Variants in KCTD10 observed in about 807,000 individuals in gnomAD.
KCTD10 encodes potassium channel tetramerization domain containing 10.
A neutral mutation model predicts 34.6 loss-of-function variants in KCTD10; 13 were observed. The ratio of observed to expected loss-of-function variants is 0.38; its 90% CI spans 0.24 to 0.60. The LOEUF is 0.60. Ranked by LOEUF, KCTD10 falls within the 20% of genes least tolerant of loss-of-function variation. The pLI, the probability that KCTD10 is intolerant of heterozygous loss-of-function variation, is 0.66. For synonymous variants in KCTD10, 156 were observed against 168.8 expected, an observed-to-expected ratio of 0.92 and a Z score of 0.59; for missense variants, 256 against 420.3, an observed-to-expected ratio of 0.61 and a Z score of 3.42.
At position 109,451,813 on chromosome 12, in the gene KCTD10, C is replaced by G; in HGVS notation, c.724G>C (p.Val242Leu). ...TAAATCCGGGCTTCGGGAAACTCCA[C>G]CTGTGTTCCCACAGTATACAGGGCA... Reference protein sequence around the residue: ...VYATEKKQTKVEFPEARIYEE... With the variant: ...VYATEKKQTKLEFPEARIYEE... The change falls in exon 7 of 7, where the codon GTG becomes CTG. Residue 242 changes from valine to leucine, a missense_variant and splice_region_variant. By Grantham distance (32) the Val-to-Leu change is conservative. This residue lies in a region of KCTD10 where 41 missense variants were observed against 124.2 expected (regional missense o/e 0.33). Coordinates refer to ENST00000228495, the MANE Select transcript of KCTD10 (RefSeq NM_031954.5). The surrounding 1 kb of genome is among the most constrained non-coding windows in gnomAD (Gnocchi z 5.0). 1 of 1,612,662 alleles carries G rather than the reference C, an allele frequency of 6.2e-7. No individual in the cohort carries two copies. Among genetic ancestry groups the G allele is most frequent in the Non-Finnish European group, 8.5e-7 (1 of 1,179,272 alleles).
chr12:109,461,285 G>C (rs1365872564), intron 2 of KCTD10, among the ~76,000 whole-genome samples: 1 of 152,120 alleles, frequency 6.6e-6, no homozygotes, highest in Non-Finnish European at 1.5e-5. Context: ...TCTCACCCTC[G>C]CAGACTGTGA....
intron 1 of KCTD10, among the ~76,000 whole-genome samples, chr12:109,475,565 G>A (rs1049373909): frequency 1.3e-5 from 2 of 152,236 alleles, no homozygotes; most frequent in Admixed American, 1.3e-4. Context: ...GATGCGGAGG[G>A]GTGGCTGATC....
At chr12:109,473,109 A>G (rs1289640616) in intron 1 of KCTD10, among the ~76,000 whole-genome samples, 1 of 152,220 alleles carries the variant, frequency 6.6e-6, no homozygotes, top group African/African-American at 2.4e-5. Flanking sequence ...CAGCCCCATC[A>G]GGGTCAGTCA....
chr12:109,461,881 C>T (rs1873347052), intron 2 of KCTD10, among the ~76,000 whole-genome samples: 3 of 152,202 alleles, frequency 2.0e-5, no homozygotes, highest in South Asian at 2.1e-4. Context: ...TGCGCAGGGC[C>T]GTGAGAAGGC....
At chr12:109,461,167 T>C (rs115298427) in intron 2 of KCTD10, among the ~76,000 whole-genome samples, 1 of 152,224 alleles carries the variant, frequency 6.6e-6, no homozygotes, top group African/African-American at 2.4e-5. Flanking sequence ...AATGGCCACA[T>C]ACCAAGGATA....
At chr12:109,472,666 G>C (rs1425160433) in intron 1 of KCTD10, among the ~76,000 whole-genome samples, 4 of 152,182 alleles carry the variant, frequency 2.6e-5, no homozygotes. Flanking sequence ...CAGCAAAGTA[G>C]TTCTGTTTAC....
At chr12:109,462,325 C>T (rs745756189) in intron 2 of KCTD10, among the ~76,000 whole-genome samples, 1 of 152,230 alleles carries the variant, frequency 6.6e-6, no homozygotes, top group Non-Finnish European at 1.5e-5. Context: ...CACCCTCCAG[C>T]GGCTTCCACT....
intron 1 of KCTD10, among the ~76,000 whole-genome samples, chr12:109,475,851 A>G (rs1001653110): frequency 1.3e-5 from 2 of 151,732 alleles, no homozygotes; most frequent in Admixed American, 6.6e-5. Context: ...TTTTACATCC[A>G]AAATTTGCTT....
intron 1 of KCTD10, among the ~76,000 whole-genome samples, chr12:109,474,703 C>T (rs1477042483): frequency 6.6e-6 from 1 of 152,150 alleles, no homozygotes; most frequent in Non-Finnish European, 1.5e-5. Flanking sequence ...ACCAAAACAC[C>T]ATAAACCAAA....
intron 1 of KCTD10, chr12:109,470,508 G>A (rs561960568): frequency 3.0e-6 from 3 of 985,416 alleles, no homozygotes; most frequent in Non-Finnish European, 3.6e-6. Context: ...ATTGGTATCC[G>A]GCACATGTGT....
rs1383840506 is a variant in KCTD10 at position 109,448,943 on chromosome 12, A to C, written c.*2652T>G. On this transcript the variant is annotated 3_prime_UTR_variant, in exon 7 of 7. Transcript: ENST00000228495. ...GATCGCCCCACGGGAGGGTGACAGA[A>C]TATGCCAGGAATTGTCTTGGACATG... 6 of 152,218 alleles carry C rather than the reference A, an allele frequency of 3.9e-5. No homozygotes were observed. Among genetic ancestry groups the C allele is most frequent in the African/African-American group, 1.4e-4 (6 of 41,444 alleles). The allele number at this position is 152,218 out of a possible 1,614,324, so 9.4% of individuals were successfully genotyped here.
In KCTD10 at chr12:109,470,422, T is replaced by C. The variant is rs1007128298; in HGVS notation, c.4-694A>G. On this transcript the variant is annotated intron_variant, in intron 1 of 6. Coordinates refer to ENST00000228495, the MANE Select transcript of KCTD10 (RefSeq NM_031954.5). ...GAGCAAGATCCCACTACCATCTCCC[T>C]GATAGCATGGCTGACTCTCTGTACA... The C allele has an allele frequency of 7.1e-6, 7 of 985,420 alleles. No individual in the cohort carries two copies. The African/African-American group carries it at 1.2e-4, about 17-fold the overall frequency. The allele number at this position is 985,420 out of a possible 1,614,324, so 61.0% of individuals were successfully genotyped here. A position where few individuals can be genotyped will look rare whatever the true frequency, so the allele number is the denominator to read the frequency against.
Position 109,456,276 on chromosome 12 carries a change from A to G in KCTD10, c.565T>C (p.Phe189Leu). The G allele has an allele frequency of 6.2e-7, 1 of 1,614,172 alleles. No homozygotes were observed. The highest frequency in any genetic ancestry group is 8.5e-7 in the Non-Finnish European group (1 of 1,180,034). Residue 189 changes from phenylalanine (F) to leucine (L), a missense_variant, in exon 6 of 7, where the codon TTT (phenylalanine) becomes CTT (leucine). Phe to Leu is a conservative substitution (Grantham distance 22). Transcript: ENST00000228495. ...DDNMLKNIEL[F>L]DKLSLRFNGR... Reference sequence around the variant, plus strand: ...TTAAAGCGCAGAGACAGCTTATCAAACAGTTCAATGTTTTTCAACATATTG... The same window carrying G: ...TTAAAGCGCAGAGACAGCTTATCAAGCAGTTCAATGTTTTTCAACATATTG...
intron 1 of KCTD10, chr12:109,469,992 A>G: frequency 8.3e-7 from 1 of 1,208,626 alleles, no homozygotes; most frequent in Non-Finnish European, 1.1e-6. Flanking sequence ...AGGGCCATGC[A>G]TCCCCTAGTT....
At chr12:109,475,251 A>T (rs1874102750) in intron 1 of KCTD10, among the ~76,000 whole-genome samples, 1 of 151,938 alleles carries the variant, frequency 6.6e-6, no homozygotes, top group Non-Finnish European at 1.5e-5. Flanking sequence ...AGGCGGGAGG[A>T]TTGCTTGAGC....
intron 1 of KCTD10, chr12:109,471,201 CA>C: frequency 1.0e-6 from 1 of 985,370 alleles, no homozygotes; most frequent in Non-Finnish European, 1.2e-6. Context: ...ACTGGTAAAA[CA>C]CAAACGTTAT....
In KCTD10 at chr12:109,450,363, T is replaced by C; in HGVS notation, c.*1232A>G. 2.5e-6 allele frequency: 1 copy of C among 398,720 alleles called. No homozygotes were observed. The highest frequency in any genetic ancestry group is 3.6e-5 in the East Asian group (1 of 28,072). The allele number at this position is 398,720 out of a possible 1,614,324, so 24.7% of individuals were successfully genotyped here. On this transcript the variant is annotated 3_prime_UTR_variant, in exon 7 of 7. Coordinates refer to ENST00000228495, the MANE Select transcript of KCTD10 (RefSeq NM_031954.5). ...CCGGGCTCCAGCAGGGGCCGCCACC[T>C]GTGCCCCACAAGCACACGTCCCCAC...
In KCTD10 at chr12:109,449,852, G is replaced by T. The variant is rs73194268; in HGVS notation, c.*1743C>A. 0.061 allele frequency: 8,390 copies of T among 138,306 alleles called. 328 individuals are homozygous for T. Among genetic ancestry groups the T allele is most frequent in the Middle Eastern group, 0.095 (27 of 284 alleles). The allele number at this position is 138,306 out of a possible 1,614,324, so 8.6% of individuals were successfully genotyped here. On this transcript the variant is annotated 3_prime_UTR_variant, in exon 7 of 7. Transcript: ENST00000228495. ...CACTTAAACAGTATAAAATATTTAC[G>T]AAACATTTTGTAAGCCCTCTTTCCT... is the stretch of plus-strand genomic sequence containing the variant.
chr12:109,474,926 C>T (rs1282100060), intron 1 of KCTD10, among the ~76,000 whole-genome samples: 8 of 152,084 alleles, frequency 5.3e-5, no homozygotes, highest in African/African-American at 1.7e-4. Context: ...TTAAGGAAAA[C>T]GGGATAGTCT....
Sources: allele counts gnomAD v4.1 joint callset (sites outside exome capture counted in the v4.1 genomes callset), GRCh38; gene constraint gnomAD v4.1.1; regional missense constraint gnomAD v4.1.1; non-coding constraint Gnocchi (gnomAD v3.1); transcripts MANE v1.5; gene names NCBI Gene and HGNC (gene_info 2026-07-23, HGNC 2026-07-21).